PSMD1: variants seen among roughly 807,000 people sequenced by gnomAD.
PSMD1 encodes proteasome 26S subunit, non-ATPase 1, also known as 26S proteasome non-ATPase regulatory subunit 1.
Under a neutral mutation model 119.0 loss-of-function variants are expected in PSMD1, and 18 were observed. That is an observed-to-expected ratio of 0.15 (90% CI 0.10 to 0.22). The LOEUF is 0.22. Ranked by LOEUF, PSMD1 falls within the 10% of genes least tolerant of loss-of-function variation. The probability of loss-of-function intolerance (pLI) is 1.00; values close to 1 mark genes in which losing one functional copy is unlikely to be tolerated. For missense variants in PSMD1, 702 were observed against 1,158.5 expected (o/e 0.61, Z 5.72); for synonymous variants, 374 against 396.6 (o/e 0.94, Z 0.68).
intron 19 of PSMD1, among the ~76,000 whole-genome samples, chr2:231,154,590 C>T (rs1243096914): frequency 6.6e-6 from 1 of 152,178 alleles, no homozygotes; most frequent in Non-Finnish European, 1.5e-5. Context: ...GCCTCAGCCT[C>T]CCAAGTAGCT....
chr2:231,132,024 C>A (rs1160126882), intron 16 of PSMD1, among the ~76,000 whole-genome samples: 2 of 152,214 alleles, frequency 1.3e-5, no homozygotes, highest in Admixed American at 1.3e-4. Context: ...GCCTTCACAG[C>A]CTATTTCAGT....
intron 24 of PSMD1, among the ~76,000 whole-genome samples, chr2:231,171,836 G>T (rs1184497399): frequency 1.3e-5 from 2 of 152,018 alleles, no homozygotes; most frequent in Non-Finnish European, 1.5e-5. Flanking sequence ...GATTACAGGT[G>T]TGAGCCACCA....
At chr2:231,088,485 G>C (rs1337309748) in intron 16 of PSMD1, among the ~76,000 whole-genome samples, 4 of 152,304 alleles carry the variant, frequency 2.6e-5, no homozygotes, top group Non-Finnish European at 5.9e-5. Flanking sequence ...TCATTTCTCT[G>C]TGTCACATTT....
chr2:231,090,577 T>TA (rs1694566878), intron 16 of PSMD1, among the ~76,000 whole-genome samples: 1 of 151,940 alleles, frequency 6.6e-6, no homozygotes, highest in African/African-American at 2.4e-5. Context: ...AAATAATAAA[T>TA]AAAAAAGACT....
intron 16 of PSMD1, among the ~76,000 whole-genome samples, chr2:231,089,479 G>A (rs1417613680): frequency 1.3e-5 from 2 of 152,130 alleles, no homozygotes; most frequent in Non-Finnish European, 2.9e-5. Context: ...TTCTGAAAAT[G>A]CTGGGGCCCT....
At chr2:231,169,802 G>C (rs1265976508) in intron 23 of PSMD1, among the ~76,000 whole-genome samples, 2 of 152,206 alleles carry the variant, frequency 1.3e-5, no homozygotes, top group Non-Finnish European at 2.9e-5. Context: ...GCACACTAGA[G>C]AGGGGTGAAT....
rs148691778 is a variant in PSMD1, at chr2:231,170,521, G to A, written c.2716-45G>A. 1.0e-4 allele frequency: 158 copies of A among 1,505,652 alleles called. 2 individuals are homozygous for A. In the African/African-American group the frequency reaches 1.8e-3, roughly 17 times the overall value. 93.3% of individuals were successfully genotyped at this position (1,505,652 alleles called of 1,614,324 possible). On this transcript the variant is annotated intron_variant, in intron 23 of 24. Transcript: ENST00000308696. This position sits in a 1 kb window ranked among gnomAD's most constrained non-coding sequence, Gnocchi z 4.1. Reference sequence around the variant, plus strand: ...GTATTTACTCTAGATTGTGGAGCACGCTTGAAATATGAGTGTACGCTTCTG... The same window carrying A: ...GTATTTACTCTAGATTGTGGAGCACACTTGAAATATGAGTGTACGCTTCTG...
rs188692827 is a variant in PSMD1, at chr2:231,067,122, G to A, written c.510+11G>A. 6.5e-7 allele frequency: 1 copy of A among 1,547,906 alleles called. No individual in the cohort carries two copies. The highest frequency in any genetic ancestry group is 1.2e-5 in the South Asian group (1 of 81,836). On this transcript the variant is annotated intron_variant, in intron 5 of 24. Transcript: ENST00000308696. ...ACCATACTGGAGTCGGTAGGTAGAT[G>A]ATGTTATTTTAGAAATTATTGTTGA...
At chr2:231,133,329 G>A (rs1377425099) in intron 16 of PSMD1, 2 of 152,018 alleles carry the variant, frequency 1.3e-5, no homozygotes, top group African/African-American at 4.8e-5. Context: ...AAGCAACGGG[G>A]GCAGATATAT....
At chr2:231,166,076 T>C (rs1007107155) in intron 23 of PSMD1, 59 bp downstream of exon 23, 2 of 1,425,118 alleles carry the variant, frequency 1.4e-6, no homozygotes, top group Non-Finnish European at 1.9e-6. Context: ...CATAGGACAA[T>C]AGAATATTGA....
chr2:231,075,367 G>A (rs1218617481), intron 7 of PSMD1, 144 bp from the exon 8 acceptor site: 3 of 620,226 alleles, frequency 4.8e-6, no homozygotes, highest in Non-Finnish European at 8.0e-6. Context: ...TCTTAGAGAT[G>A]TGTAGAATTT....
At chr2:231,087,234 T>A in intron 16 of PSMD1, 53 bp downstream of exon 16, 1 of 1,463,620 alleles carries the variant, frequency 6.8e-7, no homozygotes, top group Non-Finnish European at 9.5e-7. Flanking sequence ...TTTGGAAATG[T>A]AGTAGTCACT....
At position 231,096,530 on chromosome 2, in the gene PSMD1, T is replaced by C. The variant is rs551881558; in HGVS notation, c.1883+9349T>C. 2.0e-5 allele frequency among the ~76,000 whole-genome samples: 3 copies of C among 152,328 alleles called. No homozygotes were observed. The East Asian group carries it at 5.8e-4, about 29-fold the overall frequency. Reference sequence around the variant, plus strand: ...CCCAACTGGTTTCCAGAGCTCTATGTCTAATGTACCTTCTTCGGGGAACCA... The same window carrying C: ...CCCAACTGGTTTCCAGAGCTCTATGCCTAATGTACCTTCTTCGGGGAACCA... On this transcript the variant is annotated intron_variant, in intron 16 of 24. Coordinates refer to ENST00000308696, the MANE Select transcript of PSMD1 (RefSeq NM_002807.4).
chr2:231,127,140 G>T (rs963423500), intron 16 of PSMD1, among the ~76,000 whole-genome samples: 3 of 152,040 alleles, frequency 2.0e-5, no homozygotes, highest in Non-Finnish European at 4.4e-5. Flanking sequence ...AAAGAATGTT[G>T]AGTGATAAAT....
chr2:231,109,279 T>G, intron 16 of PSMD1: 4 of 1,614,116 alleles, frequency 2.5e-6, no homozygotes, highest in Non-Finnish European at 3.4e-6. Flanking sequence ...TTGCAAGAGG[T>G]GTGAAGAAGG....
At chr2:231,062,435 A>G in intron 3 of PSMD1, 71 bp from the exon 4 acceptor site, 4 of 1,542,994 alleles carry the variant, frequency 2.6e-6, no homozygotes, top group East Asian at 2.3e-5. Flanking sequence ...TTGTGGCTTG[A>G]ATATTTAGAT....
intron 16 of PSMD1, among the ~76,000 whole-genome samples, chr2:231,134,561 C>T (rs1271452774): frequency 6.6e-6 from 1 of 152,212 alleles, no homozygotes; most frequent in African/African-American, 2.4e-5. Flanking sequence ...TCCTGCCATG[C>T]ACCCAAGTGG....
At chr2:231,172,343 G>C (rs999562644) in intron 24 of PSMD1, among the ~76,000 whole-genome samples, 192 bp from the exon 25 acceptor site, 1 of 152,172 alleles carries the variant, frequency 6.6e-6, no homozygotes, top group African/African-American at 2.4e-5. Context: ...GTTTTCAAAG[G>C]GGTAAAATAT....
intron 21 of PSMD1, 154 bp from the exon 22 acceptor site, chr2:231,165,041 TATATA>T (rs1696737948): frequency 1.1e-4 from 1 of 9,438 alleles, no homozygotes; most frequent in Non-Finnish European, 1.7e-4. Flanking sequence ...TATTTATATA[TATATA>T]TATATATATA....
Sources: gnomAD v4.1 joint callset for allele counts (sites outside exome capture counted in the v4.1 genomes callset) on GRCh38, gnomAD v4.1.1 for gene constraint, Gnocchi (gnomAD v3.1) non-coding constraint, MANE v1.5 for transcripts, NCBI Gene and HGNC (gene_info 2026-07-23, HGNC 2026-07-21) for gene names.